The following SMIM45 variants were observed in gnomAD, a reference collection of about 807,000 sequenced individuals.
SMIM45 encodes the protein small integral membrane protein 45.
At chr22:41,949,992 G>A in the SMIM45 span, among the ~76,000 whole-genome samples, 3 of 151,860 alleles carry the variant, frequency 2.0e-5, no homozygotes, top group Non-Finnish European at 4.4e-5. Flanking sequence ...TTTTCAAATC[G>A]GCTTCTGTGG....
At chr22:41,958,108 G>C in the SMIM45 span, 7 of 338,006 alleles carry the variant, frequency 2.1e-5, no homozygotes, top group South Asian at 6.6e-5. Context: ...CTTGCTCTCC[G>C]TGTCAAGCCG....
At chr22:41,954,765 T>C in the SMIM45 span, among the ~76,000 whole-genome samples, 3 of 151,918 alleles carry the variant, frequency 2.0e-5, no homozygotes, top group Non-Finnish European at 4.4e-5. Flanking sequence ...CCCAGCACTT[T>C]GGGAGTCCGA....
chr22:41,951,899 C>T, the SMIM45 span, among the ~76,000 whole-genome samples: 25 of 152,338 alleles, frequency 1.6e-4, no homozygotes, highest in East Asian at 4.8e-3. Flanking sequence ...GAGTTATCAG[C>T]CACGGTCCTC....
chr22:41,949,635 T>C, the SMIM45 span, among the ~76,000 whole-genome samples: 2 of 152,124 alleles, frequency 1.3e-5, no homozygotes, highest in South Asian at 4.1e-4. Context: ...CTGAGACCCA[T>C]TGGGTCAGCA....
the SMIM45 span, chr22:41,958,697 T>A: frequency 0.41 from 93,624 of 227,796 alleles, 24,137 homozygotes; most frequent in African/African-American, 0.78. Flanking sequence ...CCCAAGACTG[T>A]GGCAGCAGGC....
the SMIM45 span, chr22:41,947,237 T>C: frequency 1.6e-6 from 1 of 634,680 alleles, no homozygotes; most frequent in Non-Finnish European, 2.8e-6. Context: ...CTTTATCTCC[T>C]TTTCTGAGGG....
chr22:41,950,669 GCC>G, the SMIM45 span, among the ~76,000 whole-genome samples: 1 of 151,750 alleles, frequency 6.6e-6, no homozygotes, highest in Non-Finnish European at 1.5e-5. Flanking sequence ...CTGTGCTCCA[GCC>G]TGAGTGAAAG....
At chr22:41,949,557 G>T in the SMIM45 span, among the ~76,000 whole-genome samples, 1 of 152,364 alleles carries the variant, frequency 6.6e-6, no homozygotes, top group South Asian at 2.1e-4. Flanking sequence ...AGAGACTGAG[G>T]CCCTTAGAGA....
the SMIM45 span, chr22:41,947,028 T>C: frequency 5.6e-6 from 9 of 1,612,740 alleles, no homozygotes; most frequent in Admixed American, 1.2e-4. Flanking sequence ...ACCAAGATGG[T>C]GGCCGTGTTC....
the SMIM45 span, among the ~76,000 whole-genome samples, chr22:41,955,960 A>G: frequency 6.6e-6 from 1 of 152,178 alleles, no homozygotes; most frequent in Non-Finnish European, 1.5e-5. Context: ...AATATTTTAC[A>G]TAAATTAACT....
the SMIM45 span, chr22:41,947,131 C>A: frequency 3.2e-6 from 5 of 1,576,748 alleles, no homozygotes; most frequent in Admixed American, 3.4e-5. Flanking sequence ...TTTCAAACCG[C>A]CCTGAGTCCA....
chr22:41,953,226 C>T, the SMIM45 span, among the ~76,000 whole-genome samples: 1 of 152,186 alleles, frequency 6.6e-6, no homozygotes, highest in Non-Finnish European at 1.5e-5. Context: ...CTTTCCCTCC[C>T]CTGGGGCCAC....
At chr22:41,951,571 G>A in the SMIM45 span, among the ~76,000 whole-genome samples, 127 of 152,034 alleles carry the variant, frequency 8.4e-4, 1 homozygote, top group African/African-American at 3.0e-3. Flanking sequence ...AGATGAGGCA[G>A]AATGGGGAGG....
chr22:41,949,632 C>T, the SMIM45 span, among the ~76,000 whole-genome samples: 1 of 152,160 alleles, frequency 6.6e-6, no homozygotes, highest in African/African-American at 2.4e-5. Context: ...GGGCTGAGAC[C>T]CATTGGGTCA....
chr22:41,958,483 GGAGAGA>G, the SMIM45 span: 89 of 355,882 alleles, frequency 2.5e-4, no homozygotes, highest in Middle Eastern at 0.011. Flanking sequence ...GGGTTGGTGA[GGAGAGA>G]GAGAGAGAGA....
chr22:41,954,126 C>G, the SMIM45 span, among the ~76,000 whole-genome samples: 3 of 151,200 alleles, frequency 2.0e-5, no homozygotes, highest in African/African-American at 7.3e-5. Context: ...TAAGTTTGTT[C>G]TTATTCTCTG....
chr22:41,947,056 C>T, the SMIM45 span: 19 of 1,612,956 alleles, frequency 1.2e-5, no homozygotes, highest in South Asian at 1.9e-4. Flanking sequence ...GCAGCTTGTC[C>T]AGGGGCCTCA....
the SMIM45 span, among the ~76,000 whole-genome samples, chr22:41,954,826 C>CAA: frequency 6.6e-6 from 1 of 151,872 alleles, no homozygotes; most frequent in African/African-American, 2.4e-5. Flanking sequence ...GCCAACATGG[C>CAA]AAAACCCCGT....
the SMIM45 span, among the ~76,000 whole-genome samples, chr22:41,955,600 A>T: frequency 6.6e-6 from 1 of 151,984 alleles, no homozygotes; most frequent in Non-Finnish European, 1.5e-5. Context: ...AGGTCAGGAG[A>T]TCAAGACCAT....
Sources: allele counts gnomAD v4.1 joint callset (sites outside exome capture counted in the v4.1 genomes callset), GRCh38; gene constraint gnomAD v4.1.1; transcripts MANE v1.5; gene names NCBI Gene and HGNC (gene_info 2026-07-23, HGNC 2026-07-21).